The following EEA1 variants were observed in gnomAD, a reference collection of about 807,000 sequenced individuals.
EEA1 encodes the protein early endosome antigen 1.
EEA1 carries 111 observed loss-of-function variants against 209.2 expected under a neutral mutation model. That is an observed-to-expected ratio of 0.53 (90% CI 0.45 to 0.62). EEA1 has a LOEUF of 0.62. EEA1 is among the 20% of genes least tolerant of loss of function. The probability of loss-of-function intolerance (pLI) is 0.00; values close to 1 mark genes in which losing one functional copy is unlikely to be tolerated. For missense variants in EEA1, 1,343 were observed against 1,530.8 expected (o/e 0.88, Z 2.05); for synonymous variants, 536 against 540.6 (o/e 0.99, Z 0.12).
At chr12:92,900,567 G>A (rs1443790830) in intron 1 of EEA1, among the ~76,000 whole-genome samples, 2 of 151,458 alleles carry the variant, frequency 1.3e-5, no homozygotes, top group African/African-American at 4.8e-5. Flanking sequence ...ATAAAAGCCA[G>A]CTCTGGATTT....
intron 2 of EEA1, among the ~76,000 whole-genome samples, chr12:92,881,795 A>G (rs919150873): frequency 1.3e-5 from 2 of 152,190 alleles, no homozygotes; most frequent in African/African-American, 4.8e-5. Context: ...AAAACAATGA[A>G]ATGATATAAA....
intron 22 of EEA1, among the ~76,000 whole-genome samples, chr12:92,782,998 C>T (rs1164896794): frequency 6.6e-6 from 1 of 152,204 alleles, no homozygotes; most frequent in Non-Finnish European, 1.5e-5. Flanking sequence ...CCCCATATCA[C>T]CCAACACATC....
intron 1 of EEA1, among the ~76,000 whole-genome samples, chr12:92,926,977 A>G (rs552080232): frequency 2.0e-5 from 3 of 152,156 alleles, no homozygotes; most frequent in Non-Finnish European, 4.4e-5. Context: ...AGCTTAATCA[A>G]CTGTTTCCTA....
At chr12:92,921,693 T>C (rs1353795327) in intron 1 of EEA1, among the ~76,000 whole-genome samples, 1 of 134,808 alleles carries the variant, frequency 7.4e-6, no homozygotes, top group Non-Finnish European at 1.5e-5. Flanking sequence ...GGCACATGTA[T>C]ACATATGTAA....
chr12:92,826,038 T>G, intron 13 of EEA1, 128 bp downstream of exon 13: 1 of 989,730 alleles, frequency 1.0e-6, no homozygotes, highest in South Asian at 2.7e-5. Context: ...TCAAGTATTT[T>G]GTACTTTCTA....
chr12:92,842,810 T>G (rs1877226897), intron 9 of EEA1, among the ~76,000 whole-genome samples: 1 of 152,224 alleles, frequency 6.6e-6, no homozygotes, highest in Non-Finnish European at 1.5e-5. Flanking sequence ...ATACATAAAA[T>G]GAAAATCTGG....
intron 2 of EEA1, among the ~76,000 whole-genome samples, chr12:92,885,533 T>C (rs1879341159): frequency 6.6e-6 from 1 of 152,184 alleles, no homozygotes; most frequent in African/African-American, 2.4e-5. Context: ...CTAATAGCCC[T>C]CAATTAGATT....
intron 1 of EEA1, among the ~76,000 whole-genome samples, chr12:92,924,356 C>T (rs529629741): frequency 1.2e-4 from 18 of 151,840 alleles, no homozygotes; most frequent in Non-Finnish European, 2.5e-4. Flanking sequence ...TACAGGTGCC[C>T]GCCACCACGC....
chr12:92,896,175 T>C (rs1475439924), intron 1 of EEA1, among the ~76,000 whole-genome samples: 1 of 152,116 alleles, frequency 6.6e-6, no homozygotes, highest in Non-Finnish European at 1.5e-5. Flanking sequence ...GGTTTCACCA[T>C]GTTGGCCAGG....
At chr12:92,888,045 G>A (rs974811333) in intron 2 of EEA1, among the ~76,000 whole-genome samples, 5 of 152,030 alleles carry the variant, frequency 3.3e-5, no homozygotes, top group African/African-American at 7.2e-5. Context: ...GTAGAGAAAA[G>A]GATCCCTTCA....
intron 2 of EEA1, chr12:92,883,688 A>C (rs959758959): frequency 2.7e-6 from 2 of 729,868 alleles, no homozygotes; most frequent in African/African-American, 3.5e-5. Flanking sequence ...GTAAGAATAC[A>C]GTGAGACACG....
At chr12:92,834,253 T>C (rs983324378) in intron 10 of EEA1, among the ~76,000 whole-genome samples, 20 of 151,780 alleles carry the variant, frequency 1.3e-4, no homozygotes, top group Admixed American at 1.3e-3. Flanking sequence ...TAAAAGTATG[T>C]ATAAGAGAGG....
intron 6 of EEA1, 23 bp from the exon 7 acceptor site, chr12:92,853,048 T>A (rs750540102): frequency 5.6e-6 from 8 of 1,427,384 alleles, no homozygotes; most frequent in Non-Finnish European, 7.8e-6. Context: ...GTCGCAGTTA[T>A]TCAAATACCA....
chr12:92,914,313 T>G (rs1484042201), intron 1 of EEA1, among the ~76,000 whole-genome samples: 1 of 152,118 alleles, frequency 6.6e-6, no homozygotes, highest in Non-Finnish European at 1.5e-5. Context: ...GTGGCTTTAT[T>G]TCTGGGTTCT....
chr12:92,778,146 T>C lies in EEA1; in HGVS notation c.3688A>G (p.Lys1230Glu). The change falls in exon 26 of 29, where the codon AAG becomes GAG. Residue 1230 changes from lysine (K) to glutamate (E), a missense_variant. Lys to Glu is a moderately conservative substitution (Grantham distance 56). Around this residue, in one of 3 missense-constraint regions of EEA1, gnomAD observed 1,307 missense variants for 1,465.5 expected, o/e 0.89. Coordinates refer to ENST00000322349, the MANE Select transcript of EEA1 (RefSeq NM_003566.4). ...SEIKEKEVGM[K>E]KHEENEAKLT... The stretch of plus-strand genomic sequence containing the variant: ...TTAGCCTCATTTTCTTCATGCTTCT[T>C]CATTCCTACTTCCTTTTCTTTTATT... The C allele has an allele frequency of 1.2e-6, 2 of 1,612,934 alleles. No homozygotes were observed. Among genetic ancestry groups the C allele is most frequent in the Non-Finnish European group, 1.7e-6 (2 of 1,179,322 alleles).
At chr12:92,876,484 C>T (rs1878892080) in intron 2 of EEA1, among the ~76,000 whole-genome samples, 2 of 152,190 alleles carry the variant, frequency 1.3e-5, no homozygotes, top group Admixed American at 1.3e-4. Flanking sequence ...TTTAACCCAT[C>T]CCACCACGTG....
chr12:92,914,854 G>C (rs1880709835), intron 1 of EEA1, among the ~76,000 whole-genome samples: 2 of 151,960 alleles, frequency 1.3e-5, no homozygotes, highest in South Asian at 4.2e-4. Context: ...AGTACAGATG[G>C]GGTTTTGCCA....
chr12:92,800,205 G>A (rs1174616928), intron 20 of EEA1, among the ~76,000 whole-genome samples: 1 of 152,140 alleles, frequency 6.6e-6, no homozygotes, highest in Non-Finnish European at 1.5e-5. Context: ...TTGGCTGACA[G>A]AGCGAGACTC....
At chr12:92,844,786 T>TTC (rs1565832355) in intron 9 of EEA1, among the ~76,000 whole-genome samples, 1 of 152,042 alleles carries the variant, frequency 6.6e-6, no homozygotes, top group Non-Finnish European at 1.5e-5. Context: ...TTTGCACAGG[T>TTC]TCCTGGCACA....
Sources: allele counts gnomAD v4.1 joint callset (sites outside exome capture counted in the v4.1 genomes callset), GRCh38; gene constraint gnomAD v4.1.1; regional missense constraint gnomAD v4.1.1; transcripts MANE v1.5; gene names NCBI Gene and HGNC (gene_info 2026-07-23, HGNC 2026-07-21).